CST2: variants seen among roughly 807,000 people sequenced by gnomAD.
CST2 encodes the protein cystatin-SA.
A neutral mutation model predicts 13.4 loss-of-function variants in CST2; 26 were observed. That is an observed-to-expected ratio of 1.95 (90% CI 1.43 to 2.70). The LOEUF is 2.70. Among genes scored for constraint, CST2 ranks in the 30% most tolerant of loss-of-function variants. The pLI, the probability that CST2 is intolerant of heterozygous loss-of-function variation, is 0.00. For missense variants in CST2, 243 were observed against 173.4 expected (o/e 1.40, Z -2.25); for synonymous variants, 105 against 71.1 (o/e 1.48, Z -2.40).
intron 2 of CST2, among the ~76,000 whole-genome samples, chr20:23,824,779 C>T (rs1055948852): frequency 3.3e-5 from 5 of 152,204 alleles, no homozygotes; most frequent in Admixed American, 1.3e-4. Context: ...CAGGCAACAC[C>T]CCAAAGCAGG....
rs1568779564 is a variant in CST2, at chr20:23,823,886, C to T, written c.*134G>A. ...CCTGCTGAGCAACAAAGGCCTCCTGCAGCCTTCTCTGTCTTCTCCTGCTGC... is the reference window on the plus strand; with the variant it reads ...CCTGCTGAGCAACAAAGGCCTCCTGTAGCCTTCTCTGTCTTCTCCTGCTGC... On this transcript the variant is annotated 3_prime_UTR_variant, in exon 3 of 3. Coordinates refer to ENST00000304725, the MANE Select transcript of CST2 (RefSeq NM_001322.3). 4.3e-6 allele frequency: 4 copies of T among 920,770 alleles called. No individual in the cohort carries two copies. The highest frequency in any genetic ancestry group is 3.2e-5 in the South Asian group (2 of 62,128). 57.0% of individuals were successfully genotyped at this position (920,770 alleles called of 1,614,324 possible).
intron 1 of CST2, among the ~76,000 whole-genome samples, chr20:23,825,758 C>A (rs1600437280): frequency 6.6e-6 from 1 of 152,138 alleles, no homozygotes; most frequent in Admixed American, 6.5e-5. Flanking sequence ...GGGTGAGGGT[C>A]CCAGTTGACA....
At chr20:23,825,084 G>A (rs1191664683) in intron 2 of CST2, 126 bp downstream of exon 2, 17 of 1,297,878 alleles carry the variant, frequency 1.3e-5, no homozygotes, top group South Asian at 2.5e-5. Flanking sequence ...ATACATCCAT[G>A]CATACATGAC....
chr20:23,825,848 A>G (rs1404844592), intron 1 of CST2, among the ~76,000 whole-genome samples: 1 of 152,136 alleles, frequency 6.6e-6, no homozygotes, highest in Non-Finnish European at 1.5e-5. Flanking sequence ...AGCCTGTGTC[A>G]CTATTTGCTG....
At chr20:23,825,423 C>A (rs376858361) in intron 1 of CST2, 100 bp from the exon 2 acceptor site, 4 of 1,234,532 alleles carry the variant, frequency 3.2e-6, no homozygotes, top group Non-Finnish European at 3.5e-6. Flanking sequence ...TGCTTGGGGG[C>A]TTCGTGAGCT....
At position 23,825,021 on chromosome 20, in the gene CST2, C is replaced by T. The variant is rs551993016; in HGVS notation, c.342+189G>A. On this transcript the variant is annotated intron_variant, in intron 2 of 2. Transcript: ENST00000304725. ...TGGCACATGTGTGTACACACATGCA[C>T]CTTTCCACATGCACATCTACATGCA... 3.9e-5 allele frequency among the ~76,000 whole-genome samples: 6 copies of T among 152,192 alleles called. No homozygotes were observed. The South Asian group carries it at 8.3e-4, about 21-fold the overall frequency.
chr20:23,825,572 G>A (rs1177301793), intron 1 of CST2, among the ~76,000 whole-genome samples: 2 of 152,210 alleles, frequency 1.3e-5, no homozygotes, highest in African/African-American at 4.8e-5. Context: ...TGTGGCTCAG[G>A]GGCAAGGGAA....
chr20:23,826,475 C>G lies in CST2; in HGVS notation c.186G>C (p.Glu62Asp), dbSNP rs781085701. ...ISEYNKATED[E>D]YYRRLLRVLR... ...GCACCCGCAGCAGGCGTCTGTAGTACTCATCTTCAGTGGCCTTGTTATACT... is the reference window on the plus strand; with the variant it reads ...GCACCCGCAGCAGGCGTCTGTAGTAGTCATCTTCAGTGGCCTTGTTATACT... Residue 62 changes from glutamate (E) to aspartate (D), a missense_variant, in exon 1 of 3, where the codon GAG becomes GAC. Coordinates refer to ENST00000304725, the MANE Select transcript of CST2 (RefSeq NM_001322.3). The G allele has an allele frequency of 1.9e-6, 3 of 1,614,060 alleles. No individual in the cohort carries two copies. The highest frequency in any genetic ancestry group is 1.7e-5 in the Admixed American group (1 of 60,004).
Position 23,825,193 on chromosome 20 carries a change from C to T in CST2, c.342+17G>A. 1.2e-6 allele frequency: 2 copies of T among 1,614,044 alleles called. No homozygotes were observed. Among genetic ancestry groups the T allele is most frequent in the Non-Finnish European group, 1.7e-6 (2 of 1,179,948 alleles). ...CTGCAGTGCATGACTGGCCTGGGAC[C>T]CGCATCAGGAACGTACCTTCTGCAG... On this transcript the variant is annotated intron_variant, in intron 2 of 2. Transcript: ENST00000304725.
chr20:23,825,053 T>G (rs28624885), intron 2 of CST2, among the ~76,000 whole-genome samples, 157 bp downstream of exon 2: 47,011 of 151,418 alleles, frequency 0.31, 7,799 homozygotes, highest in East Asian at 0.41. Flanking sequence ...TGCACAACCC[T>G]CCACAAGTAC....
rs1000290244 is a variant in CST2, at chr20:23,825,265, T to G, written c.287A>C (p.Lys96Thr). 3 of 1,613,950 alleles carry G rather than the reference T, an allele frequency of 1.9e-6. No individual in the cohort carries two copies. Among genetic ancestry groups the G allele is most frequent in the African/African-American group, 2.7e-5 (2 of 74,878 alleles). The change falls in exon 2 of 3, where the codon AAG becomes ACG. Residue 96 changes from lysine to threonine, a missense_variant. Physicochemically the swap from Lys to Thr is moderately conservative, Grantham distance 78. Coordinates refer to ENST00000304725, the MANE Select transcript of CST2 (RefSeq NM_001322.3). ...ACAGGTGTCCAAGTTGGGCTGGGAC[T>G]TGGTACATATGGTTCGGCCCACCTC... ...DIEVGRTICT[K>T]SQPNLDTCAF...
In CST2 at chr20:23,826,484, A is replaced by G. The variant is rs1483048545; in HGVS notation, c.177T>C (p.Thr59=). 1 of 1,614,142 alleles carries G rather than the reference A, an allele frequency of 6.2e-7. No homozygotes were observed. Among genetic ancestry groups the G allele is most frequent in the East Asian group, 2.2e-5 (1 of 44,872 alleles). Residue 59 remains threonine (T), a synonymous_variant, in exon 1 of 3, where the codon ACT becomes ACC. Coordinates refer to ENST00000304725, the MANE Select transcript of CST2 (RefSeq NM_001322.3). ...HFVISEYNKA[T]EDEYYRRLLR... Reference sequence around the variant, plus strand: ...GCAGGCGTCTGTAGTACTCATCTTCAGTGGCCTTGTTATACTCGCTGATGA... The same window carrying G: ...GCAGGCGTCTGTAGTACTCATCTTCGGTGGCCTTGTTATACTCGCTGATGA...
intron 2 of CST2, among the ~76,000 whole-genome samples, chr20:23,824,503 C>T (rs1600436435): frequency 6.6e-6 from 1 of 152,110 alleles, no homozygotes; most frequent in East Asian, 1.9e-4. Flanking sequence ...GGCAACTCCG[C>T]CTCAAAGAGC....
In CST2 at chr20:23,826,503, C is replaced by A. The variant is rs376311543; in HGVS notation, c.158G>T (p.Ser53Ile). 9 of 1,614,090 alleles carry A rather than the reference C, an allele frequency of 5.6e-6. No homozygotes were observed. In the African/African-American group the frequency reaches 1.2e-4, roughly 22 times the overall value. ...ATCTTCAGTGGCCTTGTTATACTCG[C>A]TGATGACAAAGTGAAGGGCACGCTG... is the stretch of plus-strand genomic sequence containing the variant. ...RVQRALHFVI[S>I]EYNKATEDEY... Residue 53 changes from serine (S) to isoleucine (I), a missense_variant, in exon 1 of 3, where the codon AGC (serine) becomes ATC (isoleucine). Coordinates refer to ENST00000304725, the MANE Select transcript of CST2 (RefSeq NM_001322.3).
chr20:23,825,708 A>T (rs1984811449), intron 1 of CST2, among the ~76,000 whole-genome samples: 1 of 152,206 alleles, frequency 6.6e-6, no homozygotes, highest in Non-Finnish European at 1.5e-5. Flanking sequence ...AGGTGGAGGC[A>T]AGCGGGGACC....
chr20:23,823,858 T>C lies in CST2; in HGVS notation c.*162A>G, dbSNP rs1053572159. On this transcript the variant is annotated 3_prime_UTR_variant, in exon 3 of 3. Transcript: ENST00000304725. ...GCAAAAGGAAGGAGGGAGGGCAGAG[T>C]CCCCTGCTGAGCAACAAAGGCCTCC... 1.4e-4 allele frequency: 95 copies of C among 679,840 alleles called. No individual in the cohort carries two copies. The highest frequency in any genetic ancestry group is 2.3e-4 in the Non-Finnish European group (90 of 393,116). 42.1% of individuals were successfully genotyped at this position (679,840 alleles called of 1,614,324 possible).
Position 23,826,469 on chromosome 20 carries a change from G to A in CST2, c.192C>T (p.Tyr64=), listed in dbSNP as rs778126750. 1.1e-5 allele frequency: 17 copies of A among 1,614,068 alleles called. No individual in the cohort carries two copies. The highest frequency in any genetic ancestry group is 8.8e-5 in the South Asian group (8 of 91,092). Reference sequence around the variant, plus strand: ...CTCGTAGCACCCGCAGCAGGCGTCTGTAGTACTCATCTTCAGTGGCCTTGT... The same window carrying A: ...CTCGTAGCACCCGCAGCAGGCGTCTATAGTACTCATCTTCAGTGGCCTTGT... ...EYNKATEDEY[Y]RRLLRVLRAR... Residue 64 remains tyrosine, a synonymous_variant, in exon 1 of 3, where the codon TAC becomes TAT. Coordinates refer to ENST00000304725, the MANE Select transcript of CST2 (RefSeq NM_001322.3).
At chr20:23,824,410 A>C (rs1292832015) in intron 2 of CST2, among the ~76,000 whole-genome samples, 1 of 152,020 alleles carries the variant, frequency 6.6e-6, no homozygotes, top group East Asian at 1.9e-4. Context: ...GGGCATGGGG[A>C]GGTGGCTCAC....
chr20:23,826,549 C>A lies in CST2; in HGVS notation c.112G>T (p.Asp38Tyr). 1.2e-6 allele frequency: 2 copies of A among 1,614,178 alleles called. No individual in the cohort carries two copies. The highest frequency in any genetic ancestry group is 1.7e-6 in the Non-Finnish European group (2 of 1,180,010). The change falls in exon 1 of 3, where the codon GAC becomes TAC. Residue 38 changes from aspartate to tyrosine, a missense_variant. Physicochemically the swap from Asp to Tyr is radical, Grantham distance 160 (BLOSUM62 -3). Coordinates refer to ENST00000304725, the MANE Select transcript of CST2 (RefSeq NM_001322.3). ...CGCTGTACCCGCTCATCATTGAGGTCTGCATCATAGATGCCACCCTCGATT... is the reference window on the plus strand; with the variant it reads ...CGCTGTACCCGCTCATCATTGAGGTATGCATCATAGATGCCACCCTCGATT... ...RIIEGGIYDA[D>Y]LNDERVQRAL...
Sources: gnomAD v4.1 joint callset for allele counts (sites outside exome capture counted in the v4.1 genomes callset) on GRCh38, gnomAD v4.1.1 for gene constraint, MANE v1.5 for transcripts, NCBI Gene and HGNC (gene_info 2026-07-23, HGNC 2026-07-21) for gene names.